DOCK2: variants seen among roughly 807,000 people sequenced by gnomAD.
DOCK2 encodes the protein dedicator of cytokinesis 2, also known as dedicator of cytokinesis protein 2.
A neutral mutation model predicts 248.9 loss-of-function variants in DOCK2; 87 were observed. The ratio of observed to expected loss-of-function variants is 0.35; its 90% CI spans 0.29 to 0.42. The LOEUF (loss-of-function observed/expected upper bound fraction) is 0.42. Ranked by LOEUF, DOCK2 falls within the 10% of genes least tolerant of loss-of-function variation. The pLI, the probability that DOCK2 is intolerant of heterozygous loss-of-function variation, is 1.00. For missense variants in DOCK2, 1,747 were observed against 2,300.2 expected, an observed-to-expected ratio of 0.76 and a Z score of 4.92; for synonymous variants, 805 against 821.6, an observed-to-expected ratio of 0.98 and a Z score of 0.35.
intron 46 of DOCK2, among the ~76,000 whole-genome samples, chr5:170,070,745 C>T (rs1446572818): frequency 1.3e-5 from 2 of 152,170 alleles, no homozygotes; most frequent in African/African-American, 4.8e-5. Flanking sequence ...CCCTGGTCCT[C>T]TCCACTGGGG....
At chr5:169,913,799 T>C (rs1294447959) in intron 27 of DOCK2, among the ~76,000 whole-genome samples, 1 of 152,240 alleles carries the variant, frequency 6.6e-6, no homozygotes. Context: ...AGGAATTAGA[T>C]GCTTCGCTAT....
At chr5:169,990,838 A>G (rs1020486994) in intron 29 of DOCK2, among the ~76,000 whole-genome samples, 3 of 152,190 alleles carry the variant, frequency 2.0e-5, no homozygotes, top group Admixed American at 2.0e-4. Flanking sequence ...TTTTGTTCAC[A>G]TGATACTGCC....
In DOCK2 at chr5:169,649,159, G is replaced by T. The variant is rs76997212; in HGVS notation, c.44-5244G>T. On this transcript the variant is annotated intron_variant, in intron 1 of 51. Coordinates refer to ENST00000520908, the MANE Select transcript of DOCK2 (RefSeq NM_004946.3). Reference sequence around the variant, plus strand: ...GTGGAGACTCTCCAAAGTGAGCTTCGGGCAATTACATTCTTTCTCCATTAT... The same window carrying T: ...GTGGAGACTCTCCAAAGTGAGCTTCTGGCAATTACATTCTTTCTCCATTAT... 6.5e-3 allele frequency among the ~76,000 whole-genome samples: 992 copies of T among 152,288 alleles called. 4 individuals are homozygous for T. Among genetic ancestry groups the T allele is most frequent in the Non-Finnish European group, 8.7e-3 (589 of 68,016 alleles).
chr5:169,681,182 G>A (rs959038663), intron 6 of DOCK2, among the ~76,000 whole-genome samples: 4 of 143,028 alleles, frequency 2.8e-5, no homozygotes, highest in Admixed American at 1.4e-4. Context: ...GGAGTGCAGT[G>A]GTGCAATCTC....
At position 170,077,702 on chromosome 5, in the gene DOCK2, C is replaced by T; in HGVS notation, c.4867-8C>T. On this transcript the variant is annotated splice_polypyrimidine_tract_variant and splice_region_variant and intron_variant, in intron 47 of 51. Coordinates refer to ENST00000520908, the MANE Select transcript of DOCK2 (RefSeq NM_004946.3). ...ACAGCTGCTAACCACCCTGTTCTCCCACCACAGCCTGACTTTGACGACAGG... is the reference window on the plus strand; with the variant it reads ...ACAGCTGCTAACCACCCTGTTCTCCTACCACAGCCTGACTTTGACGACAGG... 6.2e-7 allele frequency: 1 copy of T among 1,613,614 alleles called. No individual in the cohort carries two copies.
chr5:169,768,298 C>G (rs1299914986), intron 25 of DOCK2, among the ~76,000 whole-genome samples: 3 of 152,268 alleles, frequency 2.0e-5, no homozygotes, highest in Non-Finnish European at 4.4e-5. Flanking sequence ...AGCGCTGTCT[C>G]TACGGCTCAC....
chr5:169,694,132 C>A (rs1025755065), intron 9 of DOCK2, among the ~76,000 whole-genome samples: 1 of 152,228 alleles, frequency 6.6e-6, no homozygotes, highest in African/African-American at 2.4e-5. Context: ...TCTGCACAGC[C>A]CCACTCCCTT....
intron 26 of DOCK2, among the ~76,000 whole-genome samples, chr5:169,825,632 A>AG (rs1217065017): frequency 1.4e-5 from 1 of 70,934 alleles, no homozygotes; most frequent in Non-Finnish European, 2.7e-5. Flanking sequence ...GGGTGGGGGG[A>AG]GGGGGGAGAG....
At chr5:169,720,847 C>T (rs1250030253) in intron 22 of DOCK2, among the ~76,000 whole-genome samples, 2 of 152,228 alleles carry the variant, frequency 1.3e-5, no homozygotes, top group Non-Finnish European at 2.9e-5. Context: ...TCTCCTGCCT[C>T]AGCCTCCCAA....
intron 26 of DOCK2, among the ~76,000 whole-genome samples, chr5:169,838,775 G>A (rs904659983): frequency 1.3e-5 from 2 of 152,258 alleles, no homozygotes; most frequent in Non-Finnish European, 2.9e-5. Flanking sequence ...GGTTCTGTTG[G>A]TGGCTCCACA....
chr5:169,855,371 C>T (rs261039), intron 27 of DOCK2, among the ~76,000 whole-genome samples: 46,588 of 152,004 alleles, frequency 0.31, 9,467 homozygotes, highest in African/African-American at 0.58. Flanking sequence ...TGCAAAGTTA[C>T]TGATATGTAG....
chr5:169,762,780 T>C (rs1476859960), intron 25 of DOCK2, among the ~76,000 whole-genome samples: 2 of 152,206 alleles, frequency 1.3e-5, no homozygotes, highest in South Asian at 2.1e-4. Context: ...AATAATAAAA[T>C]GCGAAGCAAA....
chr5:169,725,268 C>G (rs1762410413), intron 22 of DOCK2, among the ~76,000 whole-genome samples: 1 of 152,170 alleles, frequency 6.6e-6, no homozygotes, highest in South Asian at 2.1e-4. Flanking sequence ...ATAGCATTAA[C>G]TTGGCGTCAG....
intron 27 of DOCK2, among the ~76,000 whole-genome samples, chr5:169,920,383 C>T (rs998501892): frequency 6.6e-6 from 1 of 152,076 alleles, no homozygotes; most frequent in Admixed American, 6.5e-5. Context: ...GGGAAGAAAA[C>T]AAAATACTTT....
chr5:170,027,932 C>A lies in DOCK2; in HGVS notation c.3451C>A (p.Gln1151Lys). The change falls in exon 34 of 52, where the codon CAG (glutamine) becomes AAG (lysine). Residue 1151 changes from glutamine (Q) to lysine (K), a missense_variant. Around this residue, in one of 4 missense-constraint regions of DOCK2, gnomAD observed 858 missense variants for 1,183.5 expected, o/e 0.72. Coordinates refer to ENST00000520908, the MANE Select transcript of DOCK2 (RefSeq NM_004946.3). ...EGGRGDEQYMQLLESILMECA... is the reference protein window; with the variant it reads ...EGGRGDEQYMKLLESILMECA... ...GGGCCGAGGCGACGAGCAGTACATG[C>A]AGCTCCTGGAGTCAATGTAAGTTCA... 1.2e-6 allele frequency: 2 copies of A among 1,613,202 alleles called. No individual in the cohort carries two copies. Among genetic ancestry groups the A allele is most frequent in the Non-Finnish European group, 1.7e-6 (2 of 1,179,450 alleles).
At chr5:169,796,636 G>A (rs530920718) in intron 25 of DOCK2, among the ~76,000 whole-genome samples, 1 of 152,242 alleles carries the variant, frequency 6.6e-6, no homozygotes, top group South Asian at 2.1e-4. Flanking sequence ...TAGTAAGATG[G>A]AAATATATCG....
chr5:169,712,184 T>G lies in DOCK2; in HGVS notation c.1620T>G (p.Thr540=). 1.2e-6 allele frequency: 2 copies of G among 1,614,130 alleles called. No homozygotes were observed. Among genetic ancestry groups the G allele is most frequent in the Non-Finnish European group, 1.7e-6 (2 of 1,179,952 alleles). Residue 540 remains threonine (T), a synonymous_variant, in exon 17 of 52, where the codon ACT becomes ACG. Coordinates refer to ENST00000520908, the MANE Select transcript of DOCK2 (RefSeq NM_004946.3). ...TGAAGCTGATGAAAGAAGATGGGACTACTCTACACGATGGATTCCATGACT... is the reference window on the plus strand; with the variant it reads ...TGAAGCTGATGAAAGAAGATGGGACGACTCTACACGATGGATTCCATGACT... ...SYVKLMKEDG[T]TLHDGFHDLV... is the part of the protein sequence containing the mutation.
At chr5:169,680,106 T>A (rs1281226145) in intron 6 of DOCK2, among the ~76,000 whole-genome samples, 1 of 152,226 alleles carries the variant, frequency 6.6e-6, no homozygotes, top group Non-Finnish European at 1.5e-5. Flanking sequence ...AAGCTCCTCC[T>A]ATCTATTATA....
At chr5:169,811,497 C>A (rs1233955373) in intron 26 of DOCK2, among the ~76,000 whole-genome samples, 1 of 152,198 alleles carries the variant, frequency 6.6e-6, no homozygotes, top group Non-Finnish European at 1.5e-5. Flanking sequence ...AGCCCCAAAC[C>A]TGAGGTTGAA....
Sources: gnomAD v4.1 joint callset for allele counts (sites outside exome capture counted in the v4.1 genomes callset) on GRCh38, gnomAD v4.1.1 for gene constraint, gnomAD v4.1.1 regional missense constraint, MANE v1.5 for transcripts, NCBI Gene and HGNC (gene_info 2026-07-23, HGNC 2026-07-21) for gene names.